The following GALNT13 variants were observed in gnomAD, a reference collection of about 807,000 sequenced individuals.
The protein encoded by GALNT13 is UDP-GalNAc:polypeptide N-acetylgalactosaminyltransferase 13.
A neutral mutation model predicts 64.2 loss-of-function variants in GALNT13; 28 were observed. The observed-to-expected ratio is 0.44, with a 90% CI of 0.32 to 0.60. The LOEUF is 0.60. GALNT13 is among the 20% of genes least tolerant of loss of function. The pLI is 0.05. For missense variants in GALNT13, 577 were observed against 669.8 expected (o/e 0.86, Z 1.53); for synonymous variants, 214 against 224.6 (o/e 0.95, Z 0.42).
At chr2:154,053,222 A>G in intron 3 of GALNT13, among the ~76,000 whole-genome samples, 1 of 152,216 alleles carries the variant, frequency 6.6e-6, no homozygotes. Flanking sequence ...CTTGAGTTCC[A>G]AAACTGGATT....
chr2:153,828,377 C>G, the GALNT13 span, among the ~76,000 whole-genome samples: 1 of 152,242 alleles, frequency 6.6e-6, no homozygotes, highest in South Asian at 2.1e-4. Context: ...TATACATCCT[C>G]TGAAATCTAG....
chr2:153,465,889 G>T, the GALNT13 span, among the ~76,000 whole-genome samples: 8 of 151,998 alleles, frequency 5.3e-5, no homozygotes, highest in African/African-American at 1.9e-4. Flanking sequence ...AAAGTCTACA[G>T]GTCTTGCTAC....
intron 3 of GALNT13, among the ~76,000 whole-genome samples, chr2:154,049,142 C>A (rs1186954243): frequency 6.6e-6 from 1 of 151,824 alleles, no homozygotes; most frequent in South Asian, 2.1e-4. Context: ...TGTCAGTTGC[C>A]ATTCATTACT....
chr2:153,489,492 A>T, the GALNT13 span, among the ~76,000 whole-genome samples: 2 of 152,200 alleles, frequency 1.3e-5, no homozygotes, highest in Non-Finnish European at 2.9e-5. Context: ...GCACTCAGAC[A>T]TTTAAAGAAA....
intron 4 of GALNT13, among the ~76,000 whole-genome samples, chr2:154,153,912 G>A (rs1012640194): frequency 9.2e-5 from 14 of 152,178 alleles, no homozygotes; most frequent in African/African-American, 3.4e-4. Context: ...GCCCTGCTTC[G>A]GCTCACGCAG....
At chr2:154,367,055 TTAAA>T (rs1462662314) in intron 9 of GALNT13, among the ~76,000 whole-genome samples, 1 of 152,112 alleles carries the variant, frequency 6.6e-6, no homozygotes, top group East Asian at 1.9e-4. Context: ...ATTATTTTAG[TTAAA>T]TAAACTCCTT....
chr2:154,211,629 C>CAAAAAAAAAAAAAAAAAAAAAAAAAAAAA (rs140095331), intron 4 of GALNT13, among the ~76,000 whole-genome samples: 1 of 37,946 alleles, frequency 2.6e-5, no homozygotes, highest in Non-Finnish European at 4.4e-5. Context: ...ACTCCATCTC[C>CAAAAAAAAAAAAAAAAAAAAAAAAAAAAA]AAAAAAAAAA....
Position 154,396,063 on chromosome 2 carries a change from T to C in GALNT13, c.1229T>C (p.Phe410Ser), listed in dbSNP as rs1369361540. Residue 410 changes from phenylalanine (F) to serine (S), a missense_variant, in exon 10 of 13, where the codon TTT (phenylalanine) becomes TCT (serine). Phe to Ser is a radical substitution (Grantham distance 155). Coordinates refer to ENST00000392825, the MANE Select transcript of GALNT13 (RefSeq NM_052917.4). ...AGAGAAAATCTGAAGTGTAAGCCCT[T>C]TTCTTGGTACCTAGAAAACATCTAT... is the stretch of plus-strand genomic sequence containing the variant. ...TLRENLKCKPFSWYLENIYPD... is the reference protein window; with the variant it reads ...TLRENLKCKPSSWYLENIYPD... 2 of 1,611,900 alleles carry C rather than the reference T, an allele frequency of 1.2e-6. No individual in the cohort carries two copies. Among genetic ancestry groups the C allele is most frequent in the Admixed American group, 1.7e-5 (1 of 59,754 alleles).
chr2:154,132,912 C>T (rs1220295913), intron 3 of GALNT13, among the ~76,000 whole-genome samples: 1 of 137,920 alleles, frequency 7.3e-6, no homozygotes, highest in African/African-American at 2.7e-5. Flanking sequence ...AAAAAAAAAT[C>T]ATGTATGCAG....
chr2:154,019,769 T>C (rs1697308851), intron 3 of GALNT13, among the ~76,000 whole-genome samples: 1 of 152,128 alleles, frequency 6.6e-6, no homozygotes, highest in Non-Finnish European at 1.5e-5. Context: ...GTTACATATG[T>C]ATACATGTGC....
chr2:153,529,807 A>G, the GALNT13 span, among the ~76,000 whole-genome samples: 1 of 152,078 alleles, frequency 6.6e-6, no homozygotes, highest in Non-Finnish European at 1.5e-5. Context: ...CAAAAACCAA[A>G]TGATCCTTTG....
chr2:153,969,863 C>A (rs989608252), intron 3 of GALNT13, among the ~76,000 whole-genome samples: 12 of 151,948 alleles, frequency 7.9e-5, no homozygotes, highest in African/African-American at 2.7e-4. Context: ...TGGGGCATGC[C>A]TAATCCTACT....
chr2:153,848,294 A>G, the GALNT13 span, among the ~76,000 whole-genome samples: 1 of 152,186 alleles, frequency 6.6e-6, no homozygotes, highest in Non-Finnish European at 1.5e-5. Flanking sequence ...CACTGTTAGT[A>G]GCAAAGAACA....
At chr2:153,134,769 A>G in the GALNT13 span, among the ~76,000 whole-genome samples, 2 of 151,956 alleles carry the variant, frequency 1.3e-5, no homozygotes, top group African/African-American at 4.8e-5. Flanking sequence ...TCTTTTTTCT[A>G]ACTTGCTCTC....
chr2:154,200,404 T>C (rs998857865), intron 4 of GALNT13, among the ~76,000 whole-genome samples: 1 of 152,150 alleles, frequency 6.6e-6, no homozygotes, highest in South Asian at 2.1e-4. Flanking sequence ...GCCACTACAT[T>C]ACTTTTAATG....
chr2:153,069,750 C>G, the GALNT13 span, among the ~76,000 whole-genome samples: 1 of 152,134 alleles, frequency 6.6e-6, no homozygotes, highest in African/African-American at 2.4e-5. Flanking sequence ...GGGTTATTTT[C>G]TCTTTTCCTG....
At chr2:153,219,030 G>GTA in the GALNT13 span, among the ~76,000 whole-genome samples, 47 of 152,200 alleles carry the variant, frequency 3.1e-4, no homozygotes, top group African/African-American at 9.6e-4. Context: ...CAATTTCAAT[G>GTA]TATATATATA....
the GALNT13 span, among the ~76,000 whole-genome samples, chr2:153,602,112 G>A: frequency 6.6e-6 from 1 of 151,894 alleles, no homozygotes; most frequent in Non-Finnish European, 1.5e-5. Flanking sequence ...AGATCAACAA[G>A]CCTCTATTGT....
In GALNT13 at chr2:154,028,885, A is replaced by G. The variant is rs556803355; in HGVS notation, c.142+84246A>G. ...CAAGCAAAAAAACTAGAAAGTTTGC[A>G]GATTCACAACTTTTCATGGAGTCAT... On this transcript the variant is annotated intron_variant, in intron 3 of 12. Coordinates refer to ENST00000392825, the MANE Select transcript of GALNT13 (RefSeq NM_052917.4). 2.4e-4 allele frequency among the ~76,000 whole-genome samples: 36 copies of G among 152,184 alleles called. No homozygotes were observed. The South Asian group carries it at 7.5e-3, about 32-fold the overall frequency.
Sources: allele counts gnomAD v4.1 joint callset (sites outside exome capture counted in the v4.1 genomes callset), GRCh38; gene constraint gnomAD v4.1.1; transcripts MANE v1.5; gene names NCBI Gene and HGNC (gene_info 2026-07-23, HGNC 2026-07-21).